Variants in GNAQ observed in about 807,000 individuals in gnomAD.
GNAQ encodes G protein subunit alpha q, also known as guanine nucleotide-binding protein G(q) subunit alpha.
GNAQ carries 8 observed loss-of-function variants against 43.9 expected under a neutral mutation model. That is an observed-to-expected ratio of 0.18 (90% CI 0.11 to 0.33). GNAQ has a LOEUF of 0.33. Ranked by LOEUF, GNAQ falls within the 10% of genes least tolerant of loss-of-function variation. GNAQ has a pLI of 1.00. For missense variants in GNAQ, 158 were observed against 450.8 expected, an observed-to-expected ratio of 0.35 and a Z score of 5.88; for synonymous variants, 155 against 170.7, an observed-to-expected ratio of 0.91 and a Z score of 0.71.
intron 2 of GNAQ, among the ~76,000 whole-genome samples, chr9:77,862,426 C>T (rs1827869513): frequency 6.6e-6 from 1 of 152,186 alleles, no homozygotes; most frequent in Non-Finnish European, 1.5e-5. Context: ...GACTTCTGTG[C>T]ACATGCAGGC....
At chr9:77,815,816 A>T in intron 2 of GNAQ, 46 bp from the exon 3 acceptor site, 1 of 1,417,974 alleles carries the variant, frequency 7.1e-7, no homozygotes, top group Non-Finnish European at 9.8e-7. Flanking sequence ...TTACTTTCCA[A>T]ATTTTCTTTG....
chr9:77,920,001 T>A (rs968044199), intron 2 of GNAQ, among the ~76,000 whole-genome samples: 2 of 152,060 alleles, frequency 1.3e-5, no homozygotes, highest in African/African-American at 2.4e-5. Flanking sequence ...TAGCTGGGCA[T>A]GGTGGTGCAC....
At chr9:78,027,774 G>A (rs1001143725) in intron 1 of GNAQ, among the ~76,000 whole-genome samples, 1 of 150,292 alleles carries the variant, frequency 6.7e-6, no homozygotes, top group African/African-American at 2.4e-5. Context: ...AAAAAGACTG[G>A]CCTAAACTTT....
Position 78,031,743 on chromosome 9 carries a change from C to T in GNAQ, c.-508G>A, listed in dbSNP as rs1028507922. 6.8e-5 allele frequency among the ~76,000 whole-genome samples: 10 copies of T among 147,752 alleles called. No individual in the cohort carries two copies. The highest frequency in any genetic ancestry group is 1.4e-4 in the Non-Finnish European group (9 of 66,432). On this transcript the variant is annotated 5_prime_UTR_variant, in exon 1 of 7. Coordinates refer to ENST00000286548, the MANE Select transcript of GNAQ (RefSeq NM_002072.5). ...GCCGCCGCCTGACACGGCTCCCGGGCGCCCTCGGCCCTGTCCGCGCCCACC... is the reference window on the plus strand; with the variant it reads ...GCCGCCGCCTGACACGGCTCCCGGGTGCCCTCGGCCCTGTCCGCGCCCACC...
intron 2 of GNAQ, among the ~76,000 whole-genome samples, chr9:77,877,124 A>G (rs537447346): frequency 6.6e-6 from 1 of 152,346 alleles, no homozygotes; most frequent in East Asian, 1.9e-4. Flanking sequence ...AGAAAGTCCT[A>G]CGAATGAATG....
At chr9:77,948,351 C>G (rs1431835698) in intron 1 of GNAQ, among the ~76,000 whole-genome samples, 1 of 152,204 alleles carries the variant, frequency 6.6e-6, no homozygotes, top group African/African-American at 2.4e-5. Flanking sequence ...ACTGCAGGCT[C>G]ACTATCCCAA....
intron 1 of GNAQ, among the ~76,000 whole-genome samples, chr9:78,026,084 G>T (rs530871332): frequency 6.6e-6 from 1 of 152,168 alleles, no homozygotes; most frequent in African/African-American, 2.4e-5. Context: ...TAATGAAAAA[G>T]ATTCTATCAA....
rs149412968 is a variant in GNAQ, at chr9:77,755,868, T to C, written c.736-27201A>G. Reference sequence around the variant, plus strand: ...GTGACGGTTAATACTGTCAACTTGATTGGATTGAAGGATGCAAAGTACTGT... The same window carrying C: ...GTGACGGTTAATACTGTCAACTTGACTGGATTGAAGGATGCAAAGTACTGT... On this transcript the variant is annotated intron_variant, in intron 5 of 6. Transcript: ENST00000286548. Among the ~76,000 whole-genome samples, 624 of 152,284 alleles carry C rather than the reference T, an allele frequency of 4.1e-3. 1 individual carries two copies. The highest frequency in any genetic ancestry group is 6.0e-3 in the Non-Finnish European group (408 of 68,014).
intron 1 of GNAQ, among the ~76,000 whole-genome samples, chr9:77,972,911 C>A (rs1032971498): frequency 3.4e-5 from 5 of 148,948 alleles, no homozygotes; most frequent in African/African-American, 5.0e-5. Context: ...CGAGATCGTA[C>A]CATTGTACTC....
chr9:77,894,247 T>C (rs35198293), intron 2 of GNAQ, among the ~76,000 whole-genome samples: 1 of 144,250 alleles, frequency 6.9e-6, no homozygotes, highest in African/African-American at 2.6e-5. Context: ...AAATTTTAAA[T>C]GTTTCATTTA....
At chr9:77,917,270 A>C (rs1246314550) in intron 2 of GNAQ, among the ~76,000 whole-genome samples, 2 of 152,262 alleles carry the variant, frequency 1.3e-5, no homozygotes, top group East Asian at 3.9e-4. Flanking sequence ...CCACATAAAC[A>C]CAGGCACTTT....
intron 2 of GNAQ, among the ~76,000 whole-genome samples, chr9:77,874,376 A>C: frequency 6.6e-6 from 1 of 152,120 alleles, no homozygotes; most frequent in Non-Finnish European, 1.5e-5. Flanking sequence ...GCGTTCCAAG[A>C]TATTCTTCCT....
chr9:77,872,560 T>C (rs185501394), intron 2 of GNAQ, among the ~76,000 whole-genome samples: 56 of 152,282 alleles, frequency 3.7e-4, no homozygotes, highest in African/African-American at 1.3e-3. Flanking sequence ...AATACAAACA[T>C]ATATTTCATA....
chr9:77,946,057 C>T (rs1018686007), intron 1 of GNAQ, among the ~76,000 whole-genome samples: 1 of 152,094 alleles, frequency 6.6e-6, no homozygotes, highest in African/African-American at 2.4e-5. Context: ...GAATAGTTCA[C>T]AGAACAAAAT....
intron 1 of GNAQ, among the ~76,000 whole-genome samples, chr9:77,949,170 C>T (rs1272164080): frequency 1.3e-5 from 2 of 152,136 alleles, no homozygotes; most frequent in Non-Finnish European, 2.9e-5. Flanking sequence ...AAATACTAAG[C>T]GGCAAAACTG....
chr9:77,761,919 G>A (rs1587904167), intron 5 of GNAQ, among the ~76,000 whole-genome samples: 3 of 125,904 alleles, frequency 2.4e-5, no homozygotes, highest in Non-Finnish European at 5.2e-5. Flanking sequence ...CCCCCCGCCC[G>A]GCCAGCCGCC....
intron 1 of GNAQ, among the ~76,000 whole-genome samples, chr9:78,007,873 TAACTA>T (rs1489925425): frequency 6.6e-6 from 1 of 152,190 alleles, no homozygotes; most frequent in Non-Finnish European, 1.5e-5. Flanking sequence ...TTGTTAACCT[TAACTA>T]GATTTAAGAT....
intron 2 of GNAQ, among the ~76,000 whole-genome samples, chr9:77,820,483 A>C (rs1827096099): frequency 1.3e-5 from 2 of 152,168 alleles, no homozygotes; most frequent in African/African-American, 4.8e-5. Context: ...TCTCATTGTG[A>C]GTGATTCACT....
At chr9:77,833,334 C>A (rs1827332280) in intron 2 of GNAQ, among the ~76,000 whole-genome samples, 1 of 152,222 alleles carries the variant, frequency 6.6e-6, no homozygotes, top group Admixed American at 6.5e-5. Context: ...GCACCTCTCT[C>A]CCTTGGGCAG....
Sources: allele counts gnomAD v4.1 joint callset (sites outside exome capture counted in the v4.1 genomes callset), GRCh38; gene constraint gnomAD v4.1.1; transcripts MANE v1.5; gene names NCBI Gene and HGNC (gene_info 2026-07-23, HGNC 2026-07-21).